IDH3A: variants seen among roughly 807,000 people sequenced by gnomAD.
IDH3A encodes the protein isocitrate dehydrogenase [NAD] subunit alpha, mitochondrial.
In IDH3A, 23 loss-of-function variants were observed where a neutral mutation model predicts 43.3. The ratio of observed to expected loss-of-function variants is 0.53; its 90% CI spans 0.38 to 0.75. The LOEUF is 0.75. Among genes scored for constraint, IDH3A ranks in the 30% least tolerant of loss-of-function variants. The probability of loss-of-function intolerance (pLI) is 0.00; values close to 1 mark genes in which losing one functional copy is unlikely to be tolerated. For synonymous variants in IDH3A, 154 were observed against 163.5 expected, an observed-to-expected ratio of 0.94 and a Z score of 0.44; for missense variants, 329 against 474.4, an observed-to-expected ratio of 0.69 and a Z score of 2.85.
At chr15:78,151,792 G>T (rs1245372130) in intron 1 of IDH3A, among the ~76,000 whole-genome samples, 1 of 147,968 alleles carries the variant, frequency 6.8e-6, no homozygotes, top group African/African-American at 2.6e-5. Context: ...ATAAAATGAT[G>T]TGAGATATAT....
chr15:78,161,941 A>G lies in IDH3A; in HGVS notation c.477+173A>G, dbSNP rs1257514623. ...GTAAGGCATGGTGGTTCGCGTCACA[A>G]GCTTGGGAATATGCCCTCTGAATTT... On this transcript the variant is annotated intron_variant, in intron 5 of 10. Coordinates refer to ENST00000299518, the MANE Select transcript of IDH3A (RefSeq NM_005530.3). The surrounding 1 kb of genome is among the most constrained non-coding windows in gnomAD (Gnocchi z 4.8). Among the ~76,000 whole-genome samples, 2 of 152,018 alleles carry G rather than the reference A, an allele frequency of 1.3e-5. No homozygotes were observed. The highest frequency in any genetic ancestry group is 4.8e-5 in the African/African-American group (2 of 41,376).
At chr15:78,153,923 T>C (rs1297477884) in intron 1 of IDH3A, among the ~76,000 whole-genome samples, 1 of 151,922 alleles carries the variant, frequency 6.6e-6, no homozygotes, top group Admixed American at 6.6e-5. Context: ...TTCAGGAGGC[T>C]GAGGCAAACC....
rs768794434 is a variant in IDH3A, at chr15:78,160,225, CG to C, written c.289+24del. The C allele has an allele frequency of 2.1e-6, 3 of 1,432,864 alleles. No individual in the cohort carries two copies. Among genetic ancestry groups the C allele is most frequent in the Non-Finnish European group, 3.0e-6 (3 of 1,015,056 alleles). The allele number at this position is 1,432,864 out of a possible 1,614,324, so 88.8% of individuals were successfully genotyped here. A position where few individuals can be genotyped will look rare whatever the true frequency, so the allele number is the denominator to read the frequency against. ...TTGAAAGGTAGCACTGAAGTAGAGA[CG>C]GGGGTTTTTACAGATTTCCGCTACA... On this transcript the variant is annotated intron_variant, in intron 4 of 10. Transcript: ENST00000299518.
Position 78,161,635 on chromosome 15 carries a change from G to A in IDH3A, c.344G>A (p.Arg115His). The A allele has an allele frequency of 1.2e-6, 2 of 1,614,088 alleles. No homozygotes were observed. Among genetic ancestry groups the A allele is most frequent in the Non-Finnish European group, 1.7e-6 (2 of 1,180,030 alleles). ...CACCCATCTATGAATTTACTGCTGC[G>A]CAAAACATTTGACCTTTACGCGAAT... is the stretch of plus-strand genomic sequence containing the variant. ...AGHPSMNLLL[R>H]KTFDLYANVR... Residue 115 changes from arginine (R) to histidine (H), a missense_variant, in exon 5 of 11, where the codon CGC (arginine) becomes CAC (histidine). Coordinates refer to ENST00000299518, the MANE Select transcript of IDH3A (RefSeq NM_005530.3). This position sits in a 1 kb window ranked among gnomAD's most constrained non-coding sequence, Gnocchi z 4.8.
rs368699032 is a variant in IDH3A at position 78,157,530 on chromosome 15, A to G, written c.91-18A>G. Reference sequence around the variant, plus strand: ...ACAAAAATTCTTACTGTCTTCTTTGATGATTTCTTATGTTCAGGTTCAGAC... The same window carrying G: ...ACAAAAATTCTTACTGTCTTCTTTGGTGATTTCTTATGTTCAGGTTCAGAC... On this transcript the variant is annotated intron_variant, in intron 2 of 10. Coordinates refer to ENST00000299518, the MANE Select transcript of IDH3A (RefSeq NM_005530.3). 12 of 1,558,550 alleles carry G rather than the reference A, an allele frequency of 7.7e-6. No individual in the cohort carries two copies. The African/African-American group carries it at 1.2e-4, about 16-fold the overall frequency.
chr15:78,167,658 A>G (rs2074762234), intron 10 of IDH3A: 1 of 152,174 alleles, frequency 6.6e-6, no homozygotes, highest in African/African-American at 2.4e-5. Context: ...GTTAAACAGT[A>G]ACTTTCCCTT....
chr15:78,159,313 T>TC (rs1374689042), intron 3 of IDH3A, among the ~76,000 whole-genome samples: 5 of 151,884 alleles, frequency 3.3e-5, no homozygotes, highest in Non-Finnish European at 7.4e-5. Flanking sequence ...TCCTTTTTCT[T>TC]CCCCCACCCT....
chr15:78,157,991 T>G (rs2074640425), intron 3 of IDH3A, among the ~76,000 whole-genome samples: 1 of 152,104 alleles, frequency 6.6e-6, no homozygotes, highest in Admixed American at 6.5e-5. Flanking sequence ...TAGTTTAAAC[T>G]CCTGCATTGG....
intron 3 of IDH3A, among the ~76,000 whole-genome samples, chr15:78,158,427 A>C (rs924925915): frequency 7.6e-6 from 1 of 131,738 alleles, no homozygotes; most frequent in Admixed American, 7.9e-5. Context: ...GTACATTCAT[A>C]GGTTATGCAA....
chr15:78,155,353 C>A, intron 2 of IDH3A, 78 bp downstream of exon 2: 1 of 925,796 alleles, frequency 1.1e-6, no homozygotes, highest in Non-Finnish European at 1.7e-6. Flanking sequence ...TATTATATAG[C>A]ATTTTATCTC....
In IDH3A at chr15:78,168,949, G is replaced by C; in HGVS notation, c.1045G>C (p.Ala349Pro). ...KSLTKDLGGN[A>P]KCSDFTEEIC... ...CTTGACAAAAGATTTGGGAGGCAAT[G>C]CAAAATGCTCAGACTTCACAGAGGA... is the stretch of plus-strand genomic sequence containing the variant. The change falls in exon 11 of 11, where the codon GCA (alanine) becomes CCA (proline). Residue 349 changes from alanine (A) to proline (P), a missense_variant. By Grantham distance (27) the Ala-to-Pro change is conservative. Around this residue, in one of 3 missense-constraint regions of IDH3A, gnomAD observed 91 missense variants for 111.6 expected, o/e 0.82. Transcript: ENST00000299518. 1 of 1,603,404 alleles carries C rather than the reference G, an allele frequency of 6.2e-7. No individual in the cohort carries two copies. Among genetic ancestry groups the C allele is most frequent in the Non-Finnish European group, 8.5e-7 (1 of 1,171,356 alleles).
At chr15:78,168,740 A>C in intron 10 of IDH3A, 182 bp from the exon 11 acceptor site, 1 of 554,454 alleles carries the variant, frequency 1.8e-6, no homozygotes, top group Admixed American at 3.0e-5. Flanking sequence ...ATGAGATTGG[A>C]TCCCGATCCT....
intron 2 of IDH3A, 55 bp from the exon 3 acceptor site, chr15:78,157,493 A>T: frequency 8.4e-7 from 1 of 1,186,218 alleles, no homozygotes; most frequent in Non-Finnish European, 1.2e-6. Context: ...ATTCTTTTTT[A>T]AGCCTTCAAA....
At chr15:78,166,083 G>C (rs1400735654) in intron 9 of IDH3A, 67 bp from the exon 10 acceptor site, 1 of 1,467,474 alleles carries the variant, frequency 6.8e-7, no homozygotes, top group Non-Finnish European at 9.5e-7. Context: ...TAAGACTCCA[G>C]CTTCCCCAGA....
intron 2 of IDH3A, chr15:78,157,290 T>C (rs748075438): frequency 3.1e-5 from 24 of 785,970 alleles, no homozygotes; most frequent in Non-Finnish European, 3.5e-5. Flanking sequence ...TTTAATTTAT[T>C]TTCGTTTTAT....
At chr15:78,166,422 A>T in intron 10 of IDH3A, 120 bp downstream of exon 10, 7 of 1,007,674 alleles carry the variant, frequency 6.9e-6, no homozygotes, top group Non-Finnish European at 1.1e-5. Context: ...TTTGATGTTG[A>T]ACAAGGATTC....
rs1346730307 is a variant in IDH3A, at chr15:78,161,780, C to T, written c.477+12C>T. ...GAATTGAGCATGTGGTATGTTCACT[C>T]CAGATTCTTTTTTATTCCTGCTTGG... On this transcript the variant is annotated intron_variant, in intron 5 of 10. Coordinates refer to ENST00000299518, the MANE Select transcript of IDH3A (RefSeq NM_005530.3). The surrounding 1 kb of genome is among the most constrained non-coding windows in gnomAD (Gnocchi z 4.8). The T allele has an allele frequency of 4.4e-6, 7 of 1,607,556 alleles. No individual in the cohort carries two copies. The Admixed American group carries it at 1.0e-4, about 23-fold the overall frequency.
At chr15:78,151,486 G>C (rs1047841346) in intron 1 of IDH3A, 1 of 151,976 alleles carries the variant, frequency 6.6e-6, no homozygotes, top group Non-Finnish European at 1.5e-5. Context: ...TGAGGCAGGA[G>C]AGTCACTTGA....
rs1346751221 is a variant in IDH3A at position 78,166,116 on chromosome 15, C to T, written c.865-34C>T. 5.0e-6 allele frequency: 8 copies of T among 1,603,126 alleles called. No homozygotes were observed. In the South Asian group the frequency reaches 6.6e-5, roughly 13 times the overall value. The stretch of plus-strand genomic sequence containing the variant: ...AGAAGAGGACTGTTAGTTTTTGTCT[C>T]TCCCTTGATGATGCTACTTTTCCCG... On this transcript the variant is annotated intron_variant, in intron 9 of 10. Coordinates refer to ENST00000299518, the MANE Select transcript of IDH3A (RefSeq NM_005530.3).
Sources: gnomAD v4.1 joint callset for allele counts (sites outside exome capture counted in the v4.1 genomes callset) on GRCh38, gnomAD v4.1.1 for gene constraint, gnomAD v4.1.1 regional missense constraint, Gnocchi (gnomAD v3.1) non-coding constraint, MANE v1.5 for transcripts, NCBI Gene and HGNC (gene_info 2026-07-23, HGNC 2026-07-21) for gene names.